The following MAGI2 variants were observed in gnomAD, a reference collection of about 807,000 sequenced individuals.
MAGI2 encodes the protein membrane-associated guanylate kinase, WW and PDZ domain-containing protein 2.
MAGI2 carries 35 observed loss-of-function variants against 133.3 expected under a neutral mutation model. The observed-to-expected ratio is 0.26, with a 90% CI of 0.20 to 0.35. The LOEUF (loss-of-function observed/expected upper bound fraction) is 0.35. MAGI2 is among the 10% of genes least tolerant of loss of function. MAGI2 has a pLI of 1.00. For synonymous variants in MAGI2, 729 were observed against 710.6 expected (o/e 1.03, Z -0.41); for missense variants, 1,636 against 1,863.4 (o/e 0.88, Z 2.25).
At chr7:78,033,272 GA>G (rs1311675773) in intron 21 of MAGI2, among the ~76,000 whole-genome samples, 2 of 151,976 alleles carry the variant, frequency 1.3e-5, no homozygotes, top group Admixed American at 6.6e-5. Context: ...TTGTTCACTA[GA>G]AAACACCAGT....
intron 6 of MAGI2, among the ~76,000 whole-genome samples, chr7:78,418,782 G>T (rs948224544): frequency 3.3e-5 from 5 of 152,092 alleles, no homozygotes; most frequent in African/African-American, 1.2e-4. Context: ...TGCTGTAGGG[G>T]GTTAATGAGA....
intron 1 of MAGI2, among the ~76,000 whole-genome samples, chr7:79,022,499 T>C (rs768189378): frequency 9.9e-5 from 15 of 151,868 alleles, no homozygotes; most frequent in Non-Finnish European, 2.2e-4. Flanking sequence ...AATCCAAAGC[T>C]AGCAGGAGAC....
intron 2 of MAGI2, among the ~76,000 whole-genome samples, chr7:78,686,163 CAAT>C (rs1264904457): frequency 2.0e-5 from 3 of 151,526 alleles, no homozygotes; most frequent in African/African-American, 7.3e-5. Flanking sequence ...GAAAAAACAA[CAAT>C]GAGGACTGAG....
At chr7:78,777,772 C>A (rs1172910869) in intron 2 of MAGI2, among the ~76,000 whole-genome samples, 1 of 152,156 alleles carries the variant, frequency 6.6e-6, no homozygotes, top group East Asian at 1.9e-4. Context: ...AAGGCATCCA[C>A]TTAAATACCT....
At chr7:79,034,892 A>G (rs1021832274) in intron 1 of MAGI2, among the ~76,000 whole-genome samples, 1 of 152,228 alleles carries the variant, frequency 6.6e-6, no homozygotes, top group African/African-American at 2.4e-5. Context: ...ATTTTGTATT[A>G]ACTTCAAGAA....
rs1828594564 is a variant in MAGI2 at position 78,195,048 on chromosome 7, CCCATCGGT to C, written c.2087_2094del (p.Asp696GlyfsTer32). ...CTCGTTTGAGGACTGCCTTGATTCT[CCCATCGGT>C]CCATTATCTGAAAAGTGACAGAGGA... On this transcript the variant is annotated frameshift_variant, in exon 12 of 22. Coordinates refer to ENST00000354212, the MANE Select transcript of MAGI2 (RefSeq NM_012301.4). LOFTEE classifies it high-confidence loss of function. The C allele has an allele frequency of 6.2e-7, 1 of 1,606,620 alleles. No individual in the cohort carries two copies. Among genetic ancestry groups the C allele is most frequent in the African/African-American group, 1.3e-5 (1 of 74,436 alleles).
At chr7:78,896,879 C>A (rs1031558843) in intron 2 of MAGI2, among the ~76,000 whole-genome samples, 1 of 152,122 alleles carries the variant, frequency 6.6e-6, no homozygotes, top group South Asian at 2.1e-4. Context: ...GCCTCTTTGG[C>A]GTCATTGCCA....
intron 1 of MAGI2, among the ~76,000 whole-genome samples, chr7:79,424,290 A>C (rs1357478535): frequency 6.6e-6 from 1 of 151,354 alleles, no homozygotes; most frequent in African/African-American, 2.4e-5. Context: ...GCCTAATAGT[A>C]TGGTAAGTGA....
intron 21 of MAGI2, among the ~76,000 whole-genome samples, chr7:78,026,491 C>G (rs917086752): frequency 2.0e-5 from 3 of 152,244 alleles, no homozygotes; most frequent in African/African-American, 7.2e-5. Flanking sequence ...TAATTTTATC[C>G]TGTGCTGAAG....
In MAGI2 at chr7:78,759,148, C is replaced by T. The variant is rs144306376; in HGVS notation, c.419-131909G>A. On this transcript the variant is annotated intron_variant, in intron 2 of 21. Transcript: ENST00000354212. ...CACTGTCAGAAATACATTTTTAAAGCGATTAATGTCAATAAAATAACAAAA... is the reference window on the plus strand; with the variant it reads ...CACTGTCAGAAATACATTTTTAAAGTGATTAATGTCAATAAAATAACAAAA... Among the ~76,000 whole-genome samples the T allele has an allele frequency of 1.5e-3, 232 of 151,866 alleles. 1 individual carries two copies. The highest frequency in any genetic ancestry group is 4.9e-3 in the African/African-American group (201 of 41,394).
At chr7:78,371,572 T>C (rs1793919138) in intron 6 of MAGI2, among the ~76,000 whole-genome samples, 1 of 152,034 alleles carries the variant, frequency 6.6e-6, no homozygotes, top group Admixed American at 6.6e-5. Flanking sequence ...TTCATTTTAA[T>C]CTGAGTAAAT....
chr7:79,044,115 T>C (rs1294189695), intron 1 of MAGI2, among the ~76,000 whole-genome samples: 3 of 152,014 alleles, frequency 2.0e-5, no homozygotes, highest in East Asian at 1.9e-4. Context: ...CCTGTAGAGA[T>C]ACAACAACAA....
At chr7:78,263,438 A>G (rs944661360) in intron 9 of MAGI2, among the ~76,000 whole-genome samples, 3 of 152,168 alleles carry the variant, frequency 2.0e-5, no homozygotes, top group African/African-American at 7.2e-5. Context: ...AACTTCTGCA[A>G]TAGTCTCTTA....
chr7:78,160,847 T>G (rs1824903543), intron 15 of MAGI2, among the ~76,000 whole-genome samples: 1 of 152,240 alleles, frequency 6.6e-6, no homozygotes, highest in African/African-American at 2.4e-5. Context: ...AAGTTAACTA[T>G]CATGCATTTT....
At chr7:78,268,724 A>G (rs1360959789) in intron 9 of MAGI2, among the ~76,000 whole-genome samples, 1 of 152,174 alleles carries the variant, frequency 6.6e-6, no homozygotes, top group Non-Finnish European at 1.5e-5. Context: ...AATCACTTCA[A>G]ATTTTGTGTA....
intron 6 of MAGI2, among the ~76,000 whole-genome samples, chr7:78,478,695 G>A (rs981998382): frequency 3.3e-5 from 5 of 151,894 alleles, no homozygotes; most frequent in African/African-American, 1.2e-4. Context: ...CAATTCAACA[G>A]ACATTCACAA....
chr7:78,928,422 C>T (rs912367243), intron 2 of MAGI2, among the ~76,000 whole-genome samples: 1 of 151,830 alleles, frequency 6.6e-6, no homozygotes, highest in Admixed American at 6.6e-5. Flanking sequence ...AAAAAACCCT[C>T]AAGAACTGGA....
intron 5 of MAGI2, 180 bp from the exon 6 acceptor site, chr7:78,490,020 T>A (rs981411476): frequency 6.0e-6 from 3 of 498,802 alleles, no homozygotes; most frequent in African/African-American, 3.9e-5. Context: ...GCTGTAAATT[T>A]GGCAACCTCA....
At chr7:78,033,152 G>C (rs891887883) in intron 21 of MAGI2, among the ~76,000 whole-genome samples, 1 of 152,126 alleles carries the variant, frequency 6.6e-6, no homozygotes, top group South Asian at 2.1e-4. Context: ...TAGTGAGAAG[G>C]GGTTGGATTC....
Sources: allele counts gnomAD v4.1 joint callset (sites outside exome capture counted in the v4.1 genomes callset), GRCh38; gene constraint gnomAD v4.1.1; transcripts MANE v1.5; gene names NCBI Gene and HGNC (gene_info 2026-07-23, HGNC 2026-07-21).